Variants in ZNF775 observed in about 807,000 individuals in gnomAD.
The protein encoded by ZNF775 is zinc finger protein 775.
In ZNF775, 1 loss-of-function variant was observed where a neutral mutation model predicts 2.4. The observed-to-expected ratio is 0.41, with a 90% CI of 0.15 to 1.94. ZNF775 has a LOEUF of 1.94. Among genes scored for constraint, ZNF775 ranks in the 30% most tolerant of loss-of-function variants. ZNF775 has a pLI of 0.30. For synonymous variants in ZNF775, 381 were observed against 373.3 expected, an observed-to-expected ratio of 1.02 and a Z score of -0.24; for missense variants, 823 against 826.6, an observed-to-expected ratio of 1.00 and a Z score of 0.05.
chr7:150,387,239 G>A (rs141982251), intron 1 of ZNF775, among the ~76,000 whole-genome samples: 2,028 of 146,334 alleles, frequency 0.014, 38 homozygotes, highest in African/African-American at 0.05. Context: ...TGATTGTAGC[G>A]AACTGAGATT....
chr7:150,396,567 C>A lies in ZNF775; in HGVS notation c.86C>A (p.Thr29Lys). The change falls in exon 3 of 3, where the codon ACG (threonine) becomes AAG (lysine). Residue 29 changes from threonine to lysine, a missense_variant. Transcript: ENST00000329630. The stretch of plus-strand genomic sequence containing the variant: ...GAGAAGCCGGAGCGGCTGCTGCAGA[C>A]GCTGGCGCCGCAGGCCATGCTTGTG... ...KQEKPERLLQ[T>K]LAPQAMLVEK... 2 of 1,605,336 alleles carry A rather than the reference C, an allele frequency of 1.2e-6. No homozygotes were observed. Among genetic ancestry groups the A allele is most frequent in the Non-Finnish European group, 1.7e-6 (2 of 1,177,630 alleles).
chr7:150,388,612 T>G, intron 2 of ZNF775, 111 bp downstream of exon 2: 1 of 1,188,184 alleles, frequency 8.4e-7, no homozygotes, highest in East Asian at 2.6e-5. Flanking sequence ...CAGTAGCTAG[T>G]ACATCCCACT....
chr7:150,396,083 T>TG (rs1324742379), intron 2 of ZNF775, among the ~76,000 whole-genome samples: 2 of 152,208 alleles, frequency 1.3e-5, no homozygotes, highest in Non-Finnish European at 2.9e-5. Flanking sequence ...TGGTATGTTT[T>TG]GCAGCTTGGC....
At chr7:150,385,575 C>T (rs1475521887) in intron 1 of ZNF775, among the ~76,000 whole-genome samples, 8 of 152,166 alleles carry the variant, frequency 5.3e-5, no homozygotes, top group African/African-American at 7.2e-5. Flanking sequence ...ACTGCAAAGA[C>T]GGAAGCTCTC....
At chr7:150,387,024 C>T (rs1432419923) in intron 1 of ZNF775, among the ~76,000 whole-genome samples, 2 of 152,104 alleles carry the variant, frequency 1.3e-5, no homozygotes, top group African/African-American at 4.8e-5. Flanking sequence ...GGGGCCAGCA[C>T]GGTGGCTCAC....
At chr7:150,396,293 C>T (rs1331552137) in intron 2 of ZNF775, among the ~76,000 whole-genome samples, 1 of 152,082 alleles carries the variant, frequency 6.6e-6, no homozygotes, top group African/African-American at 2.4e-5. Flanking sequence ...CTTAACCTGC[C>T]CTTGTTGTCC....
At position 150,397,341 on chromosome 7, in the gene ZNF775, G is replaced by T; in HGVS notation, c.860G>T (p.Gly287Val). The T allele has an allele frequency of 6.3e-7, 1 of 1,594,168 alleles. No individual in the cohort carries two copies. The highest frequency in any genetic ancestry group is 8.5e-7 in the Non-Finnish European group (1 of 1,174,164). ...CGCCAGTTCATCTGCAACGAGTGTG[G>T]CAAGAGCTTCACCTGGTGGTCGTCG... is the stretch of plus-strand genomic sequence containing the variant. ...EPRQFICNEC[G>V]KSFTWWSSLN... The change falls in exon 3 of 3, where the codon GGC (glycine) becomes GTC (valine). Residue 287 changes from glycine (G) to valine (V), a missense_variant. Transcript: ENST00000329630.
intron 2 of ZNF775, among the ~76,000 whole-genome samples, chr7:150,395,941 G>A (rs1440034988): frequency 6.6e-6 from 1 of 152,152 alleles, no homozygotes; most frequent in Non-Finnish European, 1.5e-5. Context: ...CATGGCTTCT[G>A]CCTTGGAGCA....
In ZNF775 at chr7:150,398,415, G is replaced by C; in HGVS notation, c.*320G>C. 2.4e-6 allele frequency: 1 copy of C among 422,972 alleles called. No homozygotes were observed. The highest frequency in any genetic ancestry group is 4.8e-5 in the East Asian group (1 of 20,650). 26.2% of individuals were successfully genotyped at this position (422,972 alleles called of 1,614,324 possible). ...TGGGGACGCTGGGAGAGTCTCTGGT[G>C]TGAAGTGGCTTAGGTCTGGACTGGT... On this transcript the variant is annotated 3_prime_UTR_variant, in exon 3 of 3. Coordinates refer to ENST00000329630, the MANE Select transcript of ZNF775 (RefSeq NM_173680.4).
In ZNF775 at chr7:150,396,573, C is replaced by A. The variant is rs1402668412; in HGVS notation, c.92C>A (p.Ala31Glu). Residue 31 changes from alanine (A) to glutamate (E), a missense_variant, in exon 3 of 3, where the codon GCG becomes GAG. Ala to Glu is a moderately radical substitution (Grantham distance 107). Coordinates refer to ENST00000329630, the MANE Select transcript of ZNF775 (RefSeq NM_173680.4). ...EKPERLLQTL[A>E]PQAMLVEKDK... Reference sequence around the variant, plus strand: ...CCGGAGCGGCTGCTGCAGACGCTGGCGCCGCAGGCCATGCTTGTGGAGAAG... The same window carrying A: ...CCGGAGCGGCTGCTGCAGACGCTGGAGCCGCAGGCCATGCTTGTGGAGAAG... 6.2e-7 allele frequency: 1 copy of A among 1,605,660 alleles called. No individual in the cohort carries two copies. The highest frequency in any genetic ancestry group is 8.5e-7 in the Non-Finnish European group (1 of 1,177,748).
chr7:150,386,749 G>A (rs568292406), intron 1 of ZNF775, among the ~76,000 whole-genome samples: 1 of 152,296 alleles, frequency 6.6e-6, no homozygotes, highest in Admixed American at 6.5e-5. Flanking sequence ...CTTAGGAGAG[G>A]TGCACCCCCA....
At chr7:150,392,276 C>T (rs73474388) in intron 2 of ZNF775, among the ~76,000 whole-genome samples, 2,152 of 152,198 alleles carry the variant, frequency 0.014, 50 homozygotes, top group African/African-American at 0.05. Flanking sequence ...GGTTCTAAGT[C>T]GATGAATAGC....
At chr7:150,388,014 T>C (rs1315923508) in intron 1 of ZNF775, among the ~76,000 whole-genome samples, 1 of 151,998 alleles carries the variant, frequency 6.6e-6, no homozygotes, top group Non-Finnish European at 1.5e-5. Flanking sequence ...GCATTCCTCA[T>C]GGCCAGTCGC....
intron 2 of ZNF775, among the ~76,000 whole-genome samples, chr7:150,391,257 C>T (rs1333796822): frequency 6.6e-6 from 1 of 152,200 alleles, no homozygotes; most frequent in East Asian, 1.9e-4. Context: ...CCTGTAATCC[C>T]AGCACTTTGG....
intron 1 of ZNF775, among the ~76,000 whole-genome samples, chr7:150,383,417 C>T (rs907301068): frequency 3.9e-5 from 6 of 152,198 alleles, no homozygotes; most frequent in African/African-American, 9.7e-5. Context: ...AGCAAGCCCC[C>T]GCTCCCTGGG....
chr7:150,397,604 T>C lies in ZNF775; in HGVS notation c.1123T>C (p.Cys375Arg). 1 of 1,441,910 alleles carries C rather than the reference T, an allele frequency of 6.9e-7. No individual in the cohort carries two copies. The highest frequency in any genetic ancestry group is 3.0e-5 in the East Asian group (1 of 33,354). The allele number at this position is 1,441,910 out of a possible 1,614,324, so 89.3% of individuals were successfully genotyped here. Residue 375 changes from cysteine (C) to arginine (R), a missense_variant, in exon 3 of 3, where the codon TGC becomes CGC. By Grantham distance (180) the Cys-to-Arg change is radical (BLOSUM62 -3). Transcript: ENST00000329630. ...GCCCTGCCCCAGCTGCGGTAAGAGC[T>C]GCCGCAGCCGCGCCGCGCTGCGCGC... ...AAPCPSCGKSCRSRAALRAHQ... is the reference protein window; with the variant it reads ...AAPCPSCGKSRRSRAALRAHQ...
chr7:150,388,246 CT>C (rs1273105532), intron 1 of ZNF775, among the ~76,000 whole-genome samples, 175 bp from the exon 2 acceptor site: 1 of 152,128 alleles, frequency 6.6e-6, no homozygotes, highest in Non-Finnish European at 1.5e-5. Context: ...GCTGTTTTAC[CT>C]TCTCAGCAGG....
chr7:150,391,219 T>A (rs1272050300), intron 2 of ZNF775, among the ~76,000 whole-genome samples: 1 of 152,226 alleles, frequency 6.6e-6, no homozygotes, highest in African/African-American at 2.4e-5. Context: ...TAAATTAACT[T>A]AAGTACGGCC....
chr7:150,397,270 C>T lies in ZNF775; in HGVS notation c.789C>T (p.Pro263=), dbSNP rs761510670. ...TCTGCCAGGGCTGGTGGGGCCAGCC[C>T]GGGGCCCGGGCCGCGGTCTCCGGCC... ...LGLCQGWWGQ[P]GARAAVSGPE... is the part of the protein sequence containing the mutation. Residue 263 remains proline (P), a synonymous_variant, in exon 3 of 3, where the codon CCC becomes CCT. Coordinates refer to ENST00000329630, the MANE Select transcript of ZNF775 (RefSeq NM_173680.4). The T allele has an allele frequency of 5.6e-6, 8 of 1,427,494 alleles. No homozygotes were observed. The African/African-American group carries it at 1.2e-4, about 22-fold the overall frequency. 88.4% of individuals were successfully genotyped at this position (1,427,494 alleles called of 1,614,324 possible).
Sources: allele counts gnomAD v4.1 joint callset (sites outside exome capture counted in the v4.1 genomes callset), GRCh38; gene constraint gnomAD v4.1.1; transcripts MANE v1.5; gene names NCBI Gene and HGNC (gene_info 2026-07-23, HGNC 2026-07-21).